UVRAG: variants seen among roughly 807,000 people sequenced by gnomAD.
UVRAG encodes UV radiation resistance associated.
In UVRAG, 19 loss-of-function variants were observed where a neutral mutation model predicts 78.0. That is an observed-to-expected ratio of 0.24 (90% CI 0.17 to 0.36). The LOEUF is 0.36. Ranked by LOEUF, UVRAG falls within the 10% of genes least tolerant of loss-of-function variation. The pLI is 1.00. For synonymous variants in UVRAG, 323 were observed against 324.6 expected, an observed-to-expected ratio of 1.00 and a Z score of 0.05; for missense variants, 740 against 853.8, an observed-to-expected ratio of 0.87 and a Z score of 1.66.
chr11:75,883,277 C>CGGG (rs1946992274), intron 4 of UVRAG, among the ~76,000 whole-genome samples: 1 of 150,752 alleles, frequency 6.6e-6, no homozygotes. Context: ...GTTGCCATAC[C>CGGG]CAGCTGAGCT....
chr11:75,824,438 C>T (rs1383257492), intron 1 of UVRAG, among the ~76,000 whole-genome samples: 7 of 148,010 alleles, frequency 4.7e-5, no homozygotes, highest in African/African-American at 1.7e-4. Flanking sequence ...TTAGTGTTTA[C>T]TTTAAAATGT....
At chr11:75,975,608 A>G (rs1020433744) in intron 7 of UVRAG, among the ~76,000 whole-genome samples, 17 of 152,062 alleles carry the variant, frequency 1.1e-4, no homozygotes, top group African/African-American at 2.9e-4. Context: ...ATTCCTAGGT[A>G]TTTTATTCTC....
chr11:75,945,899 C>T (rs1948578543), intron 6 of UVRAG, among the ~76,000 whole-genome samples: 1 of 152,040 alleles, frequency 6.6e-6, no homozygotes, highest in Admixed American at 6.6e-5. Context: ...TTACCCCCTC[C>T]AAGAAGACTT....
chr11:76,029,913 C>A (rs897460395), intron 12 of UVRAG, among the ~76,000 whole-genome samples: 5 of 152,132 alleles, frequency 3.3e-5, no homozygotes, highest in Non-Finnish European at 7.4e-5. Context: ...CAGCAACCAC[C>A]ACCCTGATTA....
intron 2 of UVRAG, among the ~76,000 whole-genome samples, chr11:75,856,734 C>T (rs1565347967): frequency 6.6e-6 from 1 of 152,168 alleles, no homozygotes; most frequent in Non-Finnish European, 1.5e-5. Flanking sequence ...CAGAAGCCAC[C>T]AAGCCTGGGT....
At chr11:76,129,863 T>C (rs998319501) in intron 14 of UVRAG, among the ~76,000 whole-genome samples, 1 of 151,868 alleles carries the variant, frequency 6.6e-6, no homozygotes, top group Non-Finnish European at 1.5e-5. Context: ...TTCCAAAGTA[T>C]AAATGTCTCT....
intron 5 of UVRAG, among the ~76,000 whole-genome samples, chr11:75,900,391 T>G (rs1373816356): frequency 6.6e-6 from 1 of 152,184 alleles, no homozygotes; most frequent in Non-Finnish European, 1.5e-5. Context: ...TTTTTTTCTC[T>G]CTCCACGAAT....
chr11:75,870,760 T>C (rs1193754606), intron 3 of UVRAG, among the ~76,000 whole-genome samples: 1 of 152,194 alleles, frequency 6.6e-6, no homozygotes, highest in Non-Finnish European at 1.5e-5. Flanking sequence ...GTTTAATTAC[T>C]TTTTATTGAG....
At chr11:75,917,604 A>G (rs549937222) in intron 6 of UVRAG, among the ~76,000 whole-genome samples, 22 of 152,098 alleles carry the variant, frequency 1.4e-4, no homozygotes, top group African/African-American at 4.3e-4. Context: ...GCATTTTCCA[A>G]CCACCATGGA....
chr11:76,043,232 T>G (rs1344726633), intron 12 of UVRAG, among the ~76,000 whole-genome samples: 1 of 152,044 alleles, frequency 6.6e-6, no homozygotes, highest in Non-Finnish European at 1.5e-5. Context: ...TGTTCTTTAA[T>G]TTTTTTTAAA....
At chr11:76,082,157 CAG>C (rs1045009363) in intron 13 of UVRAG, among the ~76,000 whole-genome samples, 4 of 152,094 alleles carry the variant, frequency 2.6e-5, no homozygotes, top group Admixed American at 2.0e-4. Context: ...GGTGGTAACA[CAG>C]GGGTTTGCTT....
At chr11:75,972,455 CT>C (rs1949143672) in intron 7 of UVRAG, among the ~76,000 whole-genome samples, 1 of 152,144 alleles carries the variant, frequency 6.6e-6, no homozygotes, top group Non-Finnish European at 1.5e-5. Flanking sequence ...TTTCTTCCTT[CT>C]TTCCTTTCTT....
At chr11:75,976,487 T>C (rs59131065) in intron 7 of UVRAG, among the ~76,000 whole-genome samples, 19,355 of 152,176 alleles carry the variant, frequency 0.13, 3,127 homozygotes, top group African/African-American at 0.38. Flanking sequence ...GCTGTGAATC[T>C]GTCTGGTCCT....
chr11:76,020,012 A>C (rs774913992), intron 12 of UVRAG, among the ~76,000 whole-genome samples: 1 of 152,204 alleles, frequency 6.6e-6, no homozygotes, highest in Non-Finnish European at 1.5e-5. Flanking sequence ...CTGGTTCTCT[A>C]TTCTATTGCG....
chr11:76,011,316 AT>A lies in UVRAG; in HGVS notation c.1060+2450del, dbSNP rs575851821. Reference sequence around the variant, plus strand: ...GAAATTTTAAGAAGCACATGCAGTAATATTGGACTTTAAAAATCTTACATTG... The same window carrying A: ...GAAATTTTAAGAAGCACATGCAGTAAATTGGACTTTAAAAATCTTACATTG... On this transcript the variant is annotated intron_variant, in intron 11 of 14. Transcript: ENST00000356136. Among the ~76,000 whole-genome samples the A allele has an allele frequency of 2.1e-4, 32 of 152,318 alleles. No homozygotes were observed. The East Asian group carries it at 6.0e-3, about 28-fold the overall frequency.
At chr11:75,903,262 T>A (rs2134995375) in intron 5 of UVRAG, among the ~76,000 whole-genome samples, 1 of 152,294 alleles carries the variant, frequency 6.6e-6, no homozygotes, top group African/African-American at 2.4e-5. Context: ...AATACCAGAG[T>A]AACCTTCCTT....
At chr11:76,131,650 C>T (rs1952514380) in intron 14 of UVRAG, among the ~76,000 whole-genome samples, 1 of 152,218 alleles carries the variant, frequency 6.6e-6, no homozygotes, top group Non-Finnish European at 1.5e-5. Flanking sequence ...AGATTTCAGC[C>T]TGTGCTTTTG....
intron 12 of UVRAG, among the ~76,000 whole-genome samples, chr11:76,021,719 A>G (rs1950249379): frequency 6.6e-6 from 1 of 152,120 alleles, no homozygotes; most frequent in Admixed American, 6.5e-5. Context: ...AGTATTTTCT[A>G]ATTTCCCTGT....
chr11:76,106,124 T>C (rs1370569457), intron 13 of UVRAG, among the ~76,000 whole-genome samples: 1 of 152,312 alleles, frequency 6.6e-6, no homozygotes, highest in African/African-American at 2.4e-5. Context: ...AGATAAATCA[T>C]TTTTGGTACA....
Sources: allele counts gnomAD v4.1 joint callset (sites outside exome capture counted in the v4.1 genomes callset), GRCh38; gene constraint gnomAD v4.1.1; transcripts MANE v1.5; gene names NCBI Gene and HGNC (gene_info 2026-07-23, HGNC 2026-07-21).